Variants in ARHGAP24 observed in about 807,000 individuals in gnomAD.
ARHGAP24 encodes the protein rho GTPase-activating protein 24.
In ARHGAP24, 50 loss-of-function variants were observed where a neutral mutation model predicts 76.4. That is an observed-to-expected ratio of 0.65 (90% CI 0.52 to 0.83). The LOEUF (loss-of-function observed/expected upper bound fraction) is 0.83, where lower values mean the gene tolerates loss of function less well. Among genes scored for constraint, ARHGAP24 ranks in the 40% least tolerant of loss-of-function variants. ARHGAP24 has a pLI of 0.00. For synonymous variants in ARHGAP24, 345 were observed against 323.3 expected, an observed-to-expected ratio of 1.07 and a Z score of -0.72; for missense variants, 930 against 914.2, an observed-to-expected ratio of 1.02 and a Z score of -0.22.
intron 4 of ARHGAP24, among the ~76,000 whole-genome samples, chr4:85,937,011 T>C (rs1482574544): frequency 6.6e-6 from 1 of 152,132 alleles, no homozygotes; most frequent in Non-Finnish European, 1.5e-5. Flanking sequence ...TGTGGGGATT[T>C]TATTTTATAA....
chr4:85,899,305 C>T (rs1327449074), intron 3 of ARHGAP24, among the ~76,000 whole-genome samples: 1 of 152,196 alleles, frequency 6.6e-6, no homozygotes, highest in East Asian at 1.9e-4. Flanking sequence ...TATGGGTAAC[C>T]AAAATAGAAA....
intron 2 of ARHGAP24, among the ~76,000 whole-genome samples, chr4:85,607,829 C>T (rs993421626): frequency 3.3e-5 from 5 of 150,644 alleles, no homozygotes; most frequent in African/African-American, 9.8e-5. Context: ...GGTTTAGCCC[C>T]TTGGTCTTGG....
At chr4:85,829,057 A>G (rs183564143) in intron 3 of ARHGAP24, among the ~76,000 whole-genome samples, 35 of 152,306 alleles carry the variant, frequency 2.3e-4, no homozygotes, top group African/African-American at 8.4e-4. Context: ...TGAAAGAACA[A>G]TAGCATACTT....
intron 3 of ARHGAP24, among the ~76,000 whole-genome samples, chr4:85,769,276 G>A (rs1430483390): frequency 6.6e-6 from 1 of 152,130 alleles, no homozygotes; most frequent in Non-Finnish European, 1.5e-5. Context: ...ACATTTATTA[G>A]GTAGTCATTT....
intron 3 of ARHGAP24, among the ~76,000 whole-genome samples, chr4:85,802,735 G>T (rs1196192032): frequency 2.0e-5 from 3 of 152,216 alleles, no homozygotes; most frequent in Non-Finnish European, 4.4e-5. Flanking sequence ...AGGTTGTGGT[G>T]AGCTGAGACC....
intron 3 of ARHGAP24, among the ~76,000 whole-genome samples, chr4:85,906,433 AT>A (rs1409856064): frequency 6.6e-6 from 1 of 152,156 alleles, no homozygotes; most frequent in Non-Finnish European, 1.5e-5. Flanking sequence ...AAAAGCAAAA[AT>A]CAGTAATAGT....
At chr4:85,499,773 G>T (rs931154137) in intron 1 of ARHGAP24, among the ~76,000 whole-genome samples, 1 of 152,170 alleles carries the variant, frequency 6.6e-6, no homozygotes, top group Non-Finnish European at 1.5e-5. Context: ...GTGCTGTTCC[G>T]TGTGGTAGGC....
At chr4:85,523,007 G>T (rs1429385079) in intron 1 of ARHGAP24, among the ~76,000 whole-genome samples, 1 of 152,104 alleles carries the variant, frequency 6.6e-6, no homozygotes, top group Admixed American at 6.5e-5. Context: ...AGACCAGCTG[G>T]TCATTCGACT....
At chr4:85,940,944 A>T (rs948830819) in intron 4 of ARHGAP24, among the ~76,000 whole-genome samples, 4 of 152,192 alleles carry the variant, frequency 2.6e-5, no homozygotes, top group African/African-American at 9.6e-5. Context: ...ATTATTTTAC[A>T]GGTGGGGAGG....
chr4:85,655,824 G>GAGAGAA (rs1722144183), intron 2 of ARHGAP24, among the ~76,000 whole-genome samples: 9 of 106,422 alleles, frequency 8.5e-5, no homozygotes, highest in African/African-American at 3.3e-4. Context: ...GAGAAAGAGA[G>GAGAGAA]AGAGAGAGAG....
intron 3 of ARHGAP24, among the ~76,000 whole-genome samples, chr4:85,795,527 T>C (rs1158356484): frequency 6.6e-6 from 1 of 152,216 alleles, no homozygotes; most frequent in Non-Finnish European, 1.5e-5. Flanking sequence ...TGACAATTAT[T>C]AAATACTCAT....
chr4:85,793,106 G>A (rs1728199566), intron 3 of ARHGAP24, among the ~76,000 whole-genome samples: 1 of 152,200 alleles, frequency 6.6e-6, no homozygotes, highest in South Asian at 2.1e-4. Flanking sequence ...TTAGCAGGAG[G>A]TCATAAATGT....
chr4:85,793,875 G>A (rs1728233262), intron 3 of ARHGAP24, among the ~76,000 whole-genome samples: 1 of 152,118 alleles, frequency 6.6e-6, no homozygotes, highest in South Asian at 2.1e-4. Context: ...AAAGGAAACA[G>A]CAAAATTCTG....
At chr4:85,992,103 G>C (rs1183557537) in intron 8 of ARHGAP24, 11 of 397,332 alleles carry the variant, frequency 2.8e-5, no homozygotes, top group Non-Finnish European at 4.9e-5. Context: ...TCTTCAGAAT[G>C]GGCTGGTGAT....
At chr4:85,992,995 A>G (rs973117046) in intron 8 of ARHGAP24, among the ~76,000 whole-genome samples, 1 of 152,140 alleles carries the variant, frequency 6.6e-6, no homozygotes, top group African/African-American at 2.4e-5. Context: ...CACCTTGATC[A>G]CATCGTCTCT....
intron 2 of ARHGAP24, among the ~76,000 whole-genome samples, chr4:85,626,107 G>T (rs1720944218): frequency 6.6e-6 from 1 of 152,148 alleles, no homozygotes; most frequent in Admixed American, 6.5e-5. Flanking sequence ...ATTTGATCCT[G>T]TCATTATGAT....
chr4:85,552,576 A>G (rs2110129959), intron 1 of ARHGAP24, among the ~76,000 whole-genome samples: 1 of 152,098 alleles, frequency 6.6e-6, no homozygotes, highest in South Asian at 2.1e-4. Context: ...TATTTTTGTT[A>G]ACTTTGTGCC....
At chr4:85,612,885 A>T (rs1720443149) in intron 2 of ARHGAP24, among the ~76,000 whole-genome samples, 1 of 142,330 alleles carries the variant, frequency 7.0e-6, no homozygotes, top group South Asian at 2.2e-4. Flanking sequence ...TGCAGCCACA[A>T]CCTCCTGGAC....
At chr4:85,615,499 G>A (rs1397214386) in intron 2 of ARHGAP24, among the ~76,000 whole-genome samples, 1 of 152,072 alleles carries the variant, frequency 6.6e-6, no homozygotes, top group Non-Finnish European at 1.5e-5. Context: ...TTTTCTAAGG[G>A]TTGCTTCTCA....
Sources: gnomAD v4.1 joint callset for allele counts (sites outside exome capture counted in the v4.1 genomes callset) on GRCh38, gnomAD v4.1.1 for gene constraint, MANE v1.5 for transcripts, NCBI Gene and HGNC (gene_info 2026-07-23, HGNC 2026-07-21) for gene names.